The following ZNF33A variants were observed in gnomAD, a reference collection of about 807,000 sequenced individuals.
The protein encoded by ZNF33A is brain my041 protein.
A neutral mutation model predicts 15.9 loss-of-function variants in ZNF33A; 9 were observed. The ratio of observed to expected loss-of-function variants is 0.57; its 90% CI spans 0.34 to 0.99. The LOEUF (loss-of-function observed/expected upper bound fraction) is 0.99, where lower values mean the gene tolerates loss of function less well. Ranked by LOEUF, ZNF33A falls within the 50% of genes least tolerant of loss-of-function variation. The pLI, the probability that ZNF33A is intolerant of heterozygous loss-of-function variation, is 0.02. For missense variants in ZNF33A, 843 were observed against 941.6 expected (o/e 0.90, Z 1.37); for synonymous variants, 294 against 324.2 (o/e 0.91, Z 1.00).
intron 4 of ZNF33A, among the ~76,000 whole-genome samples, chr10:38,023,289 A>G (rs938463988): frequency 6.6e-6 from 1 of 152,214 alleles, no homozygotes; most frequent in Non-Finnish European, 1.5e-5. Flanking sequence ...TTTTGATGCC[A>G]AAATCATACA....
intron 4 of ZNF33A, among the ~76,000 whole-genome samples, chr10:38,052,047 A>G (rs1271854231): frequency 2.0e-5 from 3 of 152,130 alleles, no homozygotes; most frequent in Non-Finnish European, 4.4e-5. Context: ...CAACGGAATG[A>G]TTTCTTTCCA....
chr10:38,061,988 A>C (rs1288242318), downstream of ZNF33A, among the ~76,000 whole-genome samples: 1 of 152,216 alleles, frequency 6.6e-6, no homozygotes, highest in Non-Finnish European at 1.5e-5. Flanking sequence ...AGTCATGTTG[A>C]AACTGAATCC....
At chr10:38,016,044 A>C in intron 2 of ZNF33A, 2 of 1,228,170 alleles carry the variant, frequency 1.6e-6, no homozygotes, top group Non-Finnish European at 2.0e-6. Flanking sequence ...TACTCCACAG[A>C]GGTTTCAAAT....
rs538442976 is a variant in ZNF33A, at chr10:38,040,741, A to G, written c.251-13634A>G. ...TTTTCACACTTTTGACAACCTGAGAATTGTTGCTTTTTGATTGGATTTTCA... is the reference window on the plus strand; with the variant it reads ...TTTTCACACTTTTGACAACCTGAGAGTTGTTGCTTTTTGATTGGATTTTCA... On this transcript the variant is annotated intron_variant, in intron 4 of 4. Transcript: ENST00000432900. 2.0e-5 allele frequency among the ~76,000 whole-genome samples: 3 copies of G among 152,186 alleles called. No homozygotes were observed. In the South Asian group the frequency reaches 6.2e-4, roughly 32 times the overall value.
chr10:38,065,777 C>G (rs1328757348), downstream of ZNF33A, among the ~76,000 whole-genome samples: 1 of 150,854 alleles, frequency 6.6e-6, no homozygotes, highest in Non-Finnish European at 1.5e-5. Context: ...ATGGCCCTAT[C>G]TGGGCTCACT....
intron 4 of ZNF33A, among the ~76,000 whole-genome samples, chr10:38,030,181 G>C (rs2065152418): frequency 6.6e-6 from 1 of 152,158 alleles, no homozygotes; most frequent in Non-Finnish European, 1.5e-5. Flanking sequence ...AGTCATTCTA[G>C]AAAATAGTTT....
chr10:38,052,041 G>A (rs942627314), intron 4 of ZNF33A, among the ~76,000 whole-genome samples: 8 of 152,090 alleles, frequency 5.3e-5, no homozygotes, highest in East Asian at 3.9e-4. Context: ...TGTGAACAAC[G>A]GAATGATTTC....
chr10:38,014,035 A>ATTTTT lies in ZNF33A; in HGVS notation c.9+1709_9+1713dup, dbSNP rs10658326. On this transcript the variant is annotated intron_variant, in intron 2 of 4. Transcript: ENST00000432900. ...AAAGCCCCAAATTTAATGATGTCTG[A>ATTTTT]TTTTTTTTTTTTTTTTTTTTTTTTT... Among the ~76,000 whole-genome samples the ATTTTT allele has an allele frequency of 1.3e-3, 108 of 80,380 alleles. 21 individuals are homozygous for ATTTTT. The highest frequency in any genetic ancestry group is 1.4e-3 in the Non-Finnish European group (64 of 45,856). 52.7% of individuals were successfully genotyped at this position (80,380 alleles called of 152,430 possible).
intron 4 of ZNF33A, among the ~76,000 whole-genome samples, chr10:38,027,633 C>T (rs2135600060): frequency 6.6e-6 from 1 of 152,184 alleles, no homozygotes; most frequent in Non-Finnish European, 1.5e-5. Flanking sequence ...AGGTGCTATC[C>T]ACTATGCCCA....
At chr10:38,051,633 G>A (rs1312591380) in intron 4 of ZNF33A, among the ~76,000 whole-genome samples, 4 of 105,766 alleles carry the variant, frequency 3.8e-5, no homozygotes, top group Non-Finnish European at 5.6e-5. Context: ...ATCATTTAAA[G>A]TTATTGCAAC....
At chr10:38,011,651 TTTG>T (rs1182809032) in intron 1 of ZNF33A, among the ~76,000 whole-genome samples, 1 of 152,164 alleles carries the variant, frequency 6.6e-6, no homozygotes, top group Non-Finnish European at 1.5e-5. Context: ...TGTTTTTTTG[TTTG>T]TTAAGGTCAC....
In ZNF33A at chr10:38,054,894, G is replaced by A; in HGVS notation, c.770G>A (p.Cys257Tyr). Residue 257 changes from cysteine to tyrosine, a missense_variant, in exon 5 of 5, where the codon TGT becomes TAT. Physicochemically the swap from Cys to Tyr is radical, Grantham distance 194. Transcript: ENST00000432900. The stretch of plus-strand genomic sequence containing the variant: ...TATAATGAATTTGGGAGAACTTTGT[G>A]TGATAGTTCATCCCTCTTGTTCCAT... ...CDYNEFGRTL[C>Y]DSSSLLFHQI... 1 of 1,613,790 alleles carries A rather than the reference G, an allele frequency of 6.2e-7. No homozygotes were observed. The highest frequency in any genetic ancestry group is 8.5e-7 in the Non-Finnish European group (1 of 1,179,986).
At chr10:38,051,418 G>GA (rs1304196190) in intron 4 of ZNF33A, among the ~76,000 whole-genome samples, 2 of 152,036 alleles carry the variant, frequency 1.3e-5, no homozygotes, top group African/African-American at 2.4e-5. Flanking sequence ...CGCATCAGCT[G>GA]AAAAATCAAC....
intron 4 of ZNF33A, among the ~76,000 whole-genome samples, chr10:38,023,376 G>A (rs2064841872): frequency 1.3e-5 from 2 of 152,074 alleles, no homozygotes; most frequent in Admixed American, 6.6e-5. Flanking sequence ...CAAAATACTA[G>A]CAAATAGAAA....
Position 38,017,374 on chromosome 10 carries a change from C to G in ZNF33A, c.238C>G (p.Gln80Glu), listed in dbSNP as rs1407883299. Residue 80 changes from glutamine to glutamate, a missense_variant, in exon 4 of 5, where the codon CAA (glutamine) becomes GAA (glutamate). By Grantham distance (29) the Gln-to-Glu change is conservative (BLOSUM62 2). Coordinates refer to ENST00000432900, the MANE Select transcript of ZNF33A (RefSeq NM_006954.2). Reference protein sequence around the residue: ...PWKQEEEFPSQSFPEVWTADH... With the variant: ...PWKQEEEFPSESFPEVWTADH... ...GAAACAGGAGGAAGAATTCCCAAGC[C>G]AAAGCTTTCCAGGTGAGTTAATATG... 1 of 1,613,362 alleles carries G rather than the reference C, an allele frequency of 6.2e-7. No homozygotes were observed. Among genetic ancestry groups the G allele is most frequent in the Non-Finnish European group, 8.5e-7 (1 of 1,179,474 alleles).
intron 4 of ZNF33A, among the ~76,000 whole-genome samples, chr10:38,023,019 C>T (rs1298780112): frequency 1.3e-5 from 2 of 151,954 alleles, no homozygotes; most frequent in African/African-American, 2.4e-5. Context: ...AATCTCGGCT[C>T]ACCGCAACCT....
At chr10:38,040,232 G>A (rs1181829577) in intron 4 of ZNF33A, among the ~76,000 whole-genome samples, 1 of 151,772 alleles carries the variant, frequency 6.6e-6, no homozygotes, top group Non-Finnish European at 1.5e-5. Context: ...ATTTATTCTG[G>A]GGAATGTTTC....
chr10:38,057,530 A>T lies in ZNF33A; in HGVS notation c.*970A>T. The T allele has an allele frequency of 1.0e-6, 1 of 985,424 alleles. No homozygotes were observed. Among genetic ancestry groups the T allele is most frequent in the Non-Finnish European group, 1.2e-6 (1 of 829,906 alleles). The allele number at this position is 985,424 out of a possible 1,614,324, so 61.0% of individuals were successfully genotyped here. ...ATCCTAGTTTAGTAGTGGTTACATTATCAGGCCCATCCCAGATGTTTGTGA... is the reference window on the plus strand; with the variant it reads ...ATCCTAGTTTAGTAGTGGTTACATTTTCAGGCCCATCCCAGATGTTTGTGA... On this transcript the variant is annotated 3_prime_UTR_variant, in exon 5 of 5. Coordinates refer to ENST00000432900, the MANE Select transcript of ZNF33A (RefSeq NM_006954.2).
At chr10:38,066,940 AC>A (rs1485320756), downstream of ZNF33A, among the ~76,000 whole-genome samples, 1 of 152,118 alleles carries the variant, frequency 6.6e-6, no homozygotes, top group African/African-American at 2.4e-5. Context: ...TCAAAACAAA[AC>A]AGTAGAAAAG....
Sources: allele counts gnomAD v4.1 joint callset (sites outside exome capture counted in the v4.1 genomes callset), GRCh38; gene constraint gnomAD v4.1.1; transcripts MANE v1.5; gene names NCBI Gene and HGNC (gene_info 2026-07-23, HGNC 2026-07-21).